The following FAT4 variants were observed in gnomAD, a reference collection of about 807,000 sequenced individuals.
FAT4 encodes protocadherin Fat 4.
Under a neutral mutation model 303.9 loss-of-function variants are expected in FAT4, and 84 were observed. The observed-to-expected ratio is 0.28, with a 90% CI of 0.23 to 0.33. The LOEUF is 0.33. FAT4 is among the 10% of genes least tolerant of loss of function. The probability of loss-of-function intolerance (pLI) is 1.00; values close to 1 mark genes in which losing one functional copy is unlikely to be tolerated. For synonymous variants in FAT4, 2,307 were observed against 2,298.8 expected (o/e 1.00, Z -0.10); for missense variants, 6,005 against 6,146.8 (o/e 0.98, Z 0.77).
intron 2 of FAT4, among the ~76,000 whole-genome samples, chr4:125,349,808 A>T (rs1436147142): frequency 6.6e-6 from 1 of 151,704 alleles, no homozygotes; most frequent in Non-Finnish European, 1.5e-5. Flanking sequence ...AAAAACAAAT[A>T]ACTGTTATTA....
At position 125,459,029 on chromosome 4, in the gene FAT4, C is replaced by A. The variant is rs1457675077; in HGVS notation, c.11801-4534C>A. Among the ~76,000 whole-genome samples the A allele has an allele frequency of 2.0e-5, 3 of 151,958 alleles. No individual in the cohort carries two copies. In the East Asian group the frequency reaches 5.8e-4, roughly 29 times the overall value. On this transcript the variant is annotated intron_variant, in intron 10 of 17. Coordinates refer to ENST00000394329, the MANE Select transcript of FAT4 (RefSeq NM_001291303.3). ...ATAGCATATATTTATTATAGAATTT[C>A]TTTATTAATAACATAATCAATTTAG...
At chr4:125,470,080 CATT>C (rs574468605) in intron 12 of FAT4, among the ~76,000 whole-genome samples, 16 of 152,312 alleles carry the variant, frequency 1.1e-4, no homozygotes, top group South Asian at 4.1e-4. Context: ...CCTTATACAT[CATT>C]GTCAGAGCTT....
At chr4:125,467,056 C>T (rs956917800) in intron 11 of FAT4, among the ~76,000 whole-genome samples, 5 of 152,004 alleles carry the variant, frequency 3.3e-5, no homozygotes, top group Admixed American at 2.6e-4. Context: ...GGATTACAGG[C>T]GTGAGCCACC....
At chr4:125,487,974 A>G (rs1490168752) in intron 17 of FAT4, among the ~76,000 whole-genome samples, 1 of 152,194 alleles carries the variant, frequency 6.6e-6, no homozygotes, top group Non-Finnish European at 1.5e-5. Context: ...CTCTTCATAG[A>G]CCATTAATGG....
chr4:125,462,750 T>C (rs1159900248), intron 10 of FAT4, among the ~76,000 whole-genome samples: 1 of 152,038 alleles, frequency 6.6e-6, no homozygotes, highest in African/African-American at 2.4e-5. Flanking sequence ...AGGCTTTTAT[T>C]CTTCACTTTT....
At chr4:125,374,804 AT>A (rs1733251760) in intron 2 of FAT4, among the ~76,000 whole-genome samples, 4 of 152,210 alleles carry the variant, frequency 2.6e-5, no homozygotes, top group Admixed American at 6.5e-5. Context: ...CTCAGATGAA[AT>A]AATTGTAAAA....
chr4:125,349,258 T>C (rs1732128801), intron 2 of FAT4, among the ~76,000 whole-genome samples: 1 of 151,786 alleles, frequency 6.6e-6, no homozygotes, highest in Non-Finnish European at 1.5e-5. Context: ...GAGAGAAATA[T>C]ATTTAGGAAA....
chr4:125,432,909 T>A (rs1425691932), intron 7 of FAT4, among the ~76,000 whole-genome samples: 2 of 152,158 alleles, frequency 1.3e-5, no homozygotes, highest in Non-Finnish European at 2.9e-5. Flanking sequence ...TTTATTGTGC[T>A]CTGCTCAACT....
chr4:125,396,278 G>T (rs1233012910), intron 2 of FAT4, among the ~76,000 whole-genome samples: 1 of 151,974 alleles, frequency 6.6e-6, no homozygotes, highest in African/African-American at 2.4e-5. Flanking sequence ...GTGTGTGTAG[G>T]TGTGTATGTA....
chr4:125,458,589 A>G (rs747283534), intron 10 of FAT4, among the ~76,000 whole-genome samples: 32 of 152,014 alleles, frequency 2.1e-4, no homozygotes, highest in Non-Finnish European at 3.7e-4. Flanking sequence ...AGAATTAGGC[A>G]GTTTACATTA....
In FAT4 at chr4:125,319,584, T is replaced by G. The variant is rs776024261; in HGVS notation, c.3173T>G (p.Leu1058Arg). 6.2e-7 allele frequency: 1 copy of G among 1,614,080 alleles called. No homozygotes were observed. The highest frequency in any genetic ancestry group is 8.5e-7 in the Non-Finnish European group (1 of 1,179,918). The change falls in exon 2 of 18, where the codon CTG becomes CGG. Residue 1058 changes from leucine (L) to arginine (R), a missense_variant. Transcript: ENST00000394329. ...GGTCAATTGTATATAAAAAGTGAAC[T>G]GGACCGTGAACTTCAAGACAGATAT... The part of the protein sequence containing the change: ...PDGQLYIKSE[L>R]DRELQDRYVL...
At chr4:125,437,041 G>A (rs1488745965) in intron 8 of FAT4, among the ~76,000 whole-genome samples, 2 of 152,014 alleles carry the variant, frequency 1.3e-5, no homozygotes, top group Non-Finnish European at 2.9e-5. Flanking sequence ...TTTTAGTTGA[G>A]ATGGGGTTTC....
chr4:125,339,996 A>C (rs1391149361), intron 2 of FAT4, among the ~76,000 whole-genome samples: 2 of 152,154 alleles, frequency 1.3e-5, no homozygotes, highest in Admixed American at 6.5e-5. Context: ...TTTTGAAATG[A>C]ATCGTGAATA....
chr4:125,371,099 G>T (rs954201470), intron 2 of FAT4, among the ~76,000 whole-genome samples: 5 of 142,474 alleles, frequency 3.5e-5, no homozygotes, highest in African/African-American at 1.3e-4. Flanking sequence ...AGTGAGCTGA[G>T]ATCGCGCCAT....
In FAT4 at chr4:125,413,569, A is replaced by G. The variant is rs150998428; in HGVS notation, c.5921-1315A>G. ...TTTTTCCCATGTTTCAAATTAGGCA[A>G]AGGATATTAGAGACAGTAAAGTCAC... On this transcript the variant is annotated intron_variant, in intron 5 of 17. Transcript: ENST00000394329. Among the ~76,000 whole-genome samples the G allele has an allele frequency of 2.4e-3, 366 of 151,198 alleles. 4 individuals are homozygous for G. Among genetic ancestry groups the G allele is most frequent in the Admixed American group, 8.2e-3 (124 of 15,082 alleles).
chr4:125,452,163 G>C lies in FAT4; in HGVS notation c.11153G>C (p.Arg3718Pro), dbSNP rs139635339. The change falls in exon 10 of 18, where the codon CGT (arginine) becomes CCT (proline). Residue 3718 changes from arginine (R) to proline (P), a missense_variant. Physicochemically the swap from Arg to Pro is moderately radical, Grantham distance 103 (BLOSUM62 -2). Transcript: ENST00000394329. Reference protein sequence around the residue: ...NATVDNSILLRLGVPTVKDFL... With the variant: ...NATVDNSILLPLGVPTVKDFL... Reference sequence around the variant, plus strand: ...ACAGTGGATAACAGCATCTTACTTCGTCTCGGCGTACCAACAGTAAAGGAC... The same window carrying C: ...ACAGTGGATAACAGCATCTTACTTCCTCTCGGCGTACCAACAGTAAAGGAC... 6.2e-7 allele frequency: 1 copy of C among 1,614,146 alleles called. No individual in the cohort carries two copies. Among genetic ancestry groups the C allele is most frequent in the South Asian group, 1.1e-5 (1 of 91,080 alleles).
Position 125,387,431 on chromosome 4 carries a change from T to C in FAT4, c.5176-11353T>C, listed in dbSNP as rs370234129. On this transcript the variant is annotated intron_variant, in intron 2 of 17. Transcript: ENST00000394329. ...ATGGGGGCTGCATTGTTTCTTATTG[T>C]ACTTGTGCCATTATTTTGTTCTTGC... 3.3e-5 allele frequency among the ~76,000 whole-genome samples: 5 copies of C among 152,338 alleles called. No individual in the cohort carries two copies. In the South Asian group the frequency reaches 1.0e-3, roughly 32 times the overall value.
At chr4:125,347,122 C>T (rs1182650376) in intron 2 of FAT4, among the ~76,000 whole-genome samples, 1 of 151,536 alleles carries the variant, frequency 6.6e-6, no homozygotes, top group Non-Finnish European at 1.5e-5. Context: ...CTAGGCAAGG[C>T]ATATATAAGA....
chr4:125,457,324 A>G (rs1044646967), intron 10 of FAT4, among the ~76,000 whole-genome samples: 3 of 152,156 alleles, frequency 2.0e-5, no homozygotes, highest in African/African-American at 7.2e-5. Flanking sequence ...GGACGCAAGT[A>G]TGAAAATGAT....
Sources: allele counts gnomAD v4.1 joint callset (sites outside exome capture counted in the v4.1 genomes callset), GRCh38; gene constraint gnomAD v4.1.1; transcripts MANE v1.5; gene names NCBI Gene and HGNC (gene_info 2026-07-23, HGNC 2026-07-21).